Variants in NBEAL1 observed in about 807,000 individuals in gnomAD.
NBEAL1 encodes neurobeachin like 1, also known as neurobeachin-like protein 1.
A neutral mutation model predicts 351.3 loss-of-function variants in NBEAL1; 273 were observed. That is an observed-to-expected ratio of 0.78 (90% CI 0.70 to 0.86). The LOEUF (loss-of-function observed/expected upper bound fraction) is 0.86, where lower values mean the gene tolerates loss of function less well. Ranked by LOEUF, NBEAL1 falls within the 40% of genes least tolerant of loss-of-function variation. NBEAL1 has a pLI of 0.00. For synonymous variants in NBEAL1, 1,050 were observed against 1,086.4 expected, an observed-to-expected ratio of 0.97 and a Z score of 0.66; for missense variants, 2,961 against 3,201.3, an observed-to-expected ratio of 0.92 and a Z score of 1.81.
At chr2:203,139,557 C>A (rs1041230840) in intron 31 of NBEAL1, among the ~76,000 whole-genome samples, 8 of 67,646 alleles carry the variant, frequency 1.2e-4, no homozygotes, top group Non-Finnish European at 2.2e-4. Context: ...CCACCCCCAC[C>A]TTTTTTTTTT....
At chr2:203,064,104 A>C (rs1341343340) in intron 6 of NBEAL1, among the ~76,000 whole-genome samples, 2 of 152,014 alleles carry the variant, frequency 1.3e-5, no homozygotes, top group Non-Finnish European at 1.5e-5. Context: ...CCCAGGCTGG[A>C]GTACAGTACC....
At position 203,187,423 on chromosome 2, in the gene NBEAL1, T is replaced by G. The variant is rs534184213; in HGVS notation, c.6706-1049T>G. On this transcript the variant is annotated intron_variant, in intron 44 of 55. Transcript: ENST00000683969. ...AATATCTGGCTTTTTTATATTTTCTTTAAATTGTGCTTACAAATCAAATAG... is the reference window on the plus strand; with the variant it reads ...AATATCTGGCTTTTTTATATTTTCTGTAAATTGTGCTTACAAATCAAATAG... Among the ~76,000 whole-genome samples the G allele has an allele frequency of 1.6e-4, 24 of 150,540 alleles. No individual in the cohort carries two copies. In the South Asian group the frequency reaches 4.9e-3, roughly 31 times the overall value.
intron 42 of NBEAL1, among the ~76,000 whole-genome samples, 158 bp from the exon 43 acceptor site, chr2:203,180,221 CATA>C (rs1324691080): frequency 6.6e-6 from 1 of 152,078 alleles, no homozygotes; most frequent in Non-Finnish European, 1.5e-5. Flanking sequence ...TAGAGATTAT[CATA>C]ATAAGGAGAG....
chr2:203,020,013 T>G, intron 2 of NBEAL1, among the ~76,000 whole-genome samples: 1 of 149,252 alleles, frequency 6.7e-6, no homozygotes. Flanking sequence ...TCTGATAATT[T>G]TAATTGATAA....
At chr2:203,142,854 G>T (rs1037320243) in intron 31 of NBEAL1, among the ~76,000 whole-genome samples, 6 of 152,134 alleles carry the variant, frequency 3.9e-5, no homozygotes, top group Admixed American at 1.3e-4. Flanking sequence ...AAGGTGGGAA[G>T]AGGGATGGGT....
At chr2:203,174,150 C>CTTTT (rs79157052) in intron 41 of NBEAL1, among the ~76,000 whole-genome samples, 1 of 100,734 alleles carries the variant, frequency 9.9e-6, no homozygotes, top group Non-Finnish European at 1.9e-5. Flanking sequence ...CTGGTTCTTC[C>CTTTT]TTTTTTTTTT....
At chr2:203,150,076 A>G (rs1366698152) in intron 34 of NBEAL1, among the ~76,000 whole-genome samples, 2 of 152,138 alleles carry the variant, frequency 1.3e-5, no homozygotes, top group Non-Finnish European at 2.9e-5. Context: ...AGTATAGACT[A>G]TGAATGGAAT....
intron 49 of NBEAL1, 40 bp downstream of exon 49, chr2:203,199,487 A>G (rs755972508): frequency 8.3e-6 from 8 of 964,306 alleles, no homozygotes; most frequent in Non-Finnish European, 1.1e-5. Context: ...GCTATACCAG[A>G]TACCTTATTG....
intron 3 of NBEAL1, among the ~76,000 whole-genome samples, chr2:203,048,959 A>G (rs929718982): frequency 4.1e-5 from 6 of 146,430 alleles, no homozygotes; most frequent in African/African-American, 1.5e-4. Flanking sequence ...TTCTGATCAC[A>G]TGGCTTGGGG....
intron 19 of NBEAL1, among the ~76,000 whole-genome samples, chr2:203,123,748 A>C (rs894771869): frequency 1.4e-4 from 22 of 152,124 alleles, no homozygotes; most frequent in African/African-American, 5.1e-4. Context: ...TCCATGTGGT[A>C]TTTTATATAT....
chr2:203,028,198 T>A (rs1394509593), intron 2 of NBEAL1, among the ~76,000 whole-genome samples: 1 of 151,806 alleles, frequency 6.6e-6, no homozygotes, highest in Admixed American at 6.6e-5. Context: ...TTTTTTTTTT[T>A]TAAGAGACAG....
intron 12 of NBEAL1, among the ~76,000 whole-genome samples, chr2:203,103,279 CT>C (rs945128736): frequency 5.4e-4 from 78 of 144,342 alleles, no homozygotes; most frequent in South Asian, 8.8e-4. Context: ...TTTTGTATTT[CT>C]TTTTTTTTTT....
At chr2:203,114,101 C>T (rs1162156659) in intron 17 of NBEAL1, among the ~76,000 whole-genome samples, 4 of 152,074 alleles carry the variant, frequency 2.6e-5, no homozygotes, top group Admixed American at 6.6e-5. Flanking sequence ...GGATTACAGG[C>T]GTGAGCCACC....
intron 42 of NBEAL1, 67 bp from the exon 43 acceptor site, chr2:203,180,315 A>G (rs2064667167): frequency 1.4e-6 from 2 of 1,477,524 alleles, no homozygotes; most frequent in South Asian, 1.2e-5. Context: ...GGAGTTTAAA[A>G]GTTTTGTTTC....
chr2:203,078,253 T>C (rs1036711887), intron 8 of NBEAL1, among the ~76,000 whole-genome samples: 4 of 152,344 alleles, frequency 2.6e-5, no homozygotes, highest in East Asian at 3.9e-4. Context: ...TGTTTTTTTT[T>C]CAACAAATCC....
intron 7 of NBEAL1, among the ~76,000 whole-genome samples, chr2:203,071,181 T>C (rs144042097): frequency 2.0e-5 from 3 of 152,324 alleles, no homozygotes; most frequent in Non-Finnish European, 2.9e-5. Flanking sequence ...TCTGCTTGGA[T>C]TGTCATAACA....
intron 53 of NBEAL1, among the ~76,000 whole-genome samples, chr2:203,210,299 G>A (rs563000387): frequency 6.7e-6 from 1 of 148,300 alleles, no homozygotes; most frequent in South Asian, 2.1e-4. Context: ...GGAGGCAGAC[G>A]TTGCAGTGAG....
intron 4 of NBEAL1, 105 bp downstream of exon 4, chr2:203,050,080 G>A (rs1187440175): frequency 1.4e-5 from 15 of 1,062,904 alleles, no homozygotes; most frequent in Non-Finnish European, 2.0e-5. Context: ...GCCTATTGGT[G>A]GGTAGGGTGC....
At chr2:203,189,461 G>A (rs566999128) in intron 45 of NBEAL1, among the ~76,000 whole-genome samples, 1 of 152,156 alleles carries the variant, frequency 6.6e-6, no homozygotes, top group African/African-American at 2.4e-5. Context: ...TCATAGTTGA[G>A]TGCAACCTGG....
Sources: gnomAD v4.1 joint callset for allele counts (sites outside exome capture counted in the v4.1 genomes callset) on GRCh38, gnomAD v4.1.1 for gene constraint, MANE v1.5 for transcripts, NCBI Gene and HGNC (gene_info 2026-07-23, HGNC 2026-07-21) for gene names.